Variants in SAP30BP observed in about 807,000 individuals in gnomAD.
The protein encoded by SAP30BP is SAP30 binding protein.
A neutral mutation model predicts 46.3 loss-of-function variants in SAP30BP; 31 were observed. The observed-to-expected ratio is 0.67, with a 90% CI of 0.50 to 0.90. The LOEUF (loss-of-function observed/expected upper bound fraction) is 0.90. SAP30BP is among the 40% of genes least tolerant of loss of function. SAP30BP has a pLI of 0.00. For synonymous variants in SAP30BP, 169 were observed against 144.2 expected, an observed-to-expected ratio of 1.17 and a Z score of -1.23; for missense variants, 312 against 391.0, an observed-to-expected ratio of 0.80 and a Z score of 1.70.
rs895224458 is a variant in SAP30BP at position 75,702,470 on chromosome 17, C to T, written c.397-10C>T. Reference sequence around the variant, plus strand: ...ATACACCCCCCCACCCCCTCTGCTCCTCTTCACAGGACAAGATCCAGAAGC... The same window carrying T: ...ATACACCCCCCCACCCCCTCTGCTCTTCTTCACAGGACAAGATCCAGAAGC... On this transcript the variant is annotated splice_polypyrimidine_tract_variant and intron_variant, in intron 5 of 10. Transcript: ENST00000584667. 1 of 1,403,602 alleles carries T rather than the reference C, an allele frequency of 7.1e-7. No individual in the cohort carries two copies. Among genetic ancestry groups the T allele is most frequent in the Non-Finnish European group, 1.0e-6 (1 of 994,274 alleles). 86.9% of individuals were successfully genotyped at this position (1,403,602 alleles called of 1,614,324 possible). A position where few individuals can be genotyped will look rare whatever the true frequency, so the allele number is the denominator to read the frequency against.
At chr17:75,694,681 C>T (rs1291332983) in intron 4 of SAP30BP, among the ~76,000 whole-genome samples, 4 of 152,216 alleles carry the variant, frequency 2.6e-5, no homozygotes, top group East Asian at 1.9e-4. Context: ...CTCTTATCCC[C>T]GCCATCACCC....
intron 3 of SAP30BP, among the ~76,000 whole-genome samples, chr17:75,682,779 T>C (rs62090774): frequency 0.23 from 32,365 of 141,418 alleles, 3,802 homozygotes; most frequent in Middle Eastern, 0.29. Flanking sequence ...CTGGCCAACA[T>C]AGTGAAACCC....
chr17:75,703,466 G>A (rs3743999), intron 7 of SAP30BP, 95 bp downstream of exon 7: 57 of 1,065,836 alleles, frequency 5.3e-5, no homozygotes, highest in African/African-American at 7.8e-5. Flanking sequence ...AAAGGTCCAC[G>A]TGGTGGCACG....
At position 75,668,980 on chromosome 17, in the gene SAP30BP, C is replaced by T. The variant is rs1042651846; in HGVS notation, c.216+355C>T. 2.6e-5 allele frequency among the ~76,000 whole-genome samples: 4 copies of T among 152,226 alleles called. No homozygotes were observed. The East Asian group carries it at 7.7e-4, about 29-fold the overall frequency. On this transcript the variant is annotated intron_variant, in intron 2 of 10. Coordinates refer to ENST00000584667, the MANE Select transcript of SAP30BP (RefSeq NM_013260.8). ...GTGTATCATTTATATCTACAGTCAA[C>T]TCTGCATTATTTTTAATCTTGGTTG...
At chr17:75,693,520 C>T in intron 4 of SAP30BP, 38 bp downstream of exon 4, 1 of 1,603,802 alleles carries the variant, frequency 6.2e-7, no homozygotes, top group African/African-American at 1.3e-5. Flanking sequence ...GTTTCTCAGC[C>T]TTGCTCCTAG....
chr17:75,691,995 G>C (rs1260122586), intron 3 of SAP30BP: 2 of 153,484 alleles, frequency 1.3e-5, no homozygotes, highest in Non-Finnish European at 2.9e-5. Context: ...GCAACCTGAA[G>C]TTGGTGTGGC....
intron 3 of SAP30BP, among the ~76,000 whole-genome samples, chr17:75,672,962 CAA>C (rs1019867351): frequency 8.5e-6 from 1 of 117,388 alleles, no homozygotes. Context: ...GAATCTGTCT[CAA>C]AAAAAAAAAC....
intron 3 of SAP30BP, chr17:75,690,796 C>G (rs1466439977): frequency 2.2e-6 from 1 of 455,964 alleles, no homozygotes; most frequent in Non-Finnish European, 4.4e-6. Context: ...GAGGCAGATT[C>G]CCAGATTGAT....
intron 4 of SAP30BP, among the ~76,000 whole-genome samples, chr17:75,699,313 G>C (rs756691725): frequency 1.3e-4 from 20 of 152,090 alleles, no homozygotes; most frequent in Non-Finnish European, 2.9e-4. Context: ...AGCAATTCTA[G>C]TTCCTCAATA....
intron 4 of SAP30BP, among the ~76,000 whole-genome samples, chr17:75,697,409 A>G (rs560597556): frequency 9.2e-5 from 14 of 152,236 alleles, no homozygotes; most frequent in African/African-American, 2.6e-4. Flanking sequence ...AGAAGGAGGA[A>G]GTTAGAGGAG....
intron 2 of SAP30BP, among the ~76,000 whole-genome samples, chr17:75,670,358 T>TG (rs1468971145): frequency 3.9e-5 from 6 of 152,104 alleles, no homozygotes; most frequent in Middle Eastern, 6.8e-3. Flanking sequence ...CAAACAGAAA[T>TG]GCGTTTTGTA....
chr17:75,694,653 G>A (rs529243919), intron 4 of SAP30BP, among the ~76,000 whole-genome samples: 2 of 152,342 alleles, frequency 1.3e-5, no homozygotes, highest in African/African-American at 4.8e-5. Flanking sequence ...CGGGTCGGGC[G>A]TGGACGGGAG....
At chr17:75,676,504 A>G (rs764075812) in intron 3 of SAP30BP, among the ~76,000 whole-genome samples, 2 of 152,256 alleles carry the variant, frequency 1.3e-5, no homozygotes, top group African/African-American at 4.8e-5. Context: ...ATCATTTTCA[A>G]TATGTGCTAT....
At chr17:75,676,305 A>T (rs1228303448) in intron 3 of SAP30BP, among the ~76,000 whole-genome samples, 2 of 152,222 alleles carry the variant, frequency 1.3e-5, no homozygotes, top group Non-Finnish European at 2.9e-5. Context: ...TGATGTACTG[A>T]GTTACACAGA....
At chr17:75,681,227 G>C (rs2060071791) in intron 3 of SAP30BP, among the ~76,000 whole-genome samples, 2 of 152,214 alleles carry the variant, frequency 1.3e-5, no homozygotes. Flanking sequence ...TGGCACCTTT[G>C]TGAGTTTGCT....
At chr17:75,687,917 G>GGTGTGT (rs68006166) in intron 3 of SAP30BP, among the ~76,000 whole-genome samples, 6,408 of 120,114 alleles carry the variant, frequency 0.053, 143 homozygotes, top group Middle Eastern at 0.068. Flanking sequence ...CAGTGTTTGG[G>GGTGTGT]GTGTGTGTGT....
At chr17:75,703,925 T>C in intron 8 of SAP30BP, 66 bp downstream of exon 8, 1 of 1,182,768 alleles carries the variant, frequency 8.5e-7, no homozygotes, top group Non-Finnish European at 1.3e-6. Context: ...ATCCAGTCAG[T>C]TGGTTATCCA....
At chr17:75,693,235 G>C (rs2060265950) in intron 3 of SAP30BP, 3 of 568,804 alleles carry the variant, frequency 5.3e-6, no homozygotes, top group Non-Finnish European at 9.6e-6. Context: ...GTGGGGCTCG[G>C]GAGCATCCGG....
chr17:75,701,000 T>G (rs1195470732), intron 5 of SAP30BP, among the ~76,000 whole-genome samples: 1 of 152,188 alleles, frequency 6.6e-6, no homozygotes, highest in African/African-American at 2.4e-5. Context: ...CCAAGCCTTC[T>G]GTATATGGCT....
Sources: gnomAD v4.1 joint callset for allele counts (sites outside exome capture counted in the v4.1 genomes callset) on GRCh38, gnomAD v4.1.1 for gene constraint, MANE v1.5 for transcripts, NCBI Gene and HGNC (gene_info 2026-07-23, HGNC 2026-07-21) for gene names.